COBL: variants seen among roughly 807,000 people sequenced by gnomAD.
The protein encoded by COBL is protein cordon-bleu.
COBL carries 51 observed loss-of-function variants against 98.8 expected under a neutral mutation model. That is an observed-to-expected ratio of 0.52 (90% CI 0.41 to 0.65). The LOEUF is 0.65. Ranked by LOEUF, COBL falls within the 30% of genes least tolerant of loss-of-function variation. The pLI is 0.00. For missense variants in COBL, 1,617 were observed against 1,617.5 expected (o/e 1.00, Z 0.01); for synonymous variants, 634 against 651.7 (o/e 0.97, Z 0.41).
At chr7:51,036,880 T>C (rs1039624596) in intron 8 of COBL, among the ~76,000 whole-genome samples, 1 of 152,242 alleles carries the variant, frequency 6.6e-6, no homozygotes, top group Non-Finnish European at 1.5e-5. Flanking sequence ...GTGGAATTGA[T>C]GTTCCCAAAA....
At chr7:51,073,765 C>T (rs980115297) in intron 7 of COBL, among the ~76,000 whole-genome samples, 1 of 152,184 alleles carries the variant, frequency 6.6e-6, no homozygotes, top group African/African-American at 2.4e-5. Context: ...GAAAAACAGT[C>T]TAAGTTACTT....
intron 5 of COBL, among the ~76,000 whole-genome samples, chr7:51,168,683 C>T (rs2129041327): frequency 6.6e-6 from 1 of 152,204 alleles, no homozygotes; most frequent in East Asian, 1.9e-4. Context: ...TGTAAATTGG[C>T]ATAACTATTA....
At chr7:51,201,098 G>T (rs537220686) in intron 2 of COBL, among the ~76,000 whole-genome samples, 4 of 152,072 alleles carry the variant, frequency 2.6e-5, no homozygotes, top group Admixed American at 2.6e-4. Flanking sequence ...AAATTAGCTG[G>T]GCGTGGTGGT....
chr7:51,017,983 A>T (rs1786451206), intron 12 of COBL, among the ~76,000 whole-genome samples: 1 of 152,196 alleles, frequency 6.6e-6, no homozygotes, highest in Admixed American at 6.5e-5. Flanking sequence ...CAGTTTCTTC[A>T]TCTTTATATT....
At chr7:51,293,970 C>T (rs1468002560) in intron 1 of COBL, among the ~76,000 whole-genome samples, 2 of 152,096 alleles carry the variant, frequency 1.3e-5, no homozygotes, top group Non-Finnish European at 2.9e-5. Context: ...CAGTCTGTAG[C>T]TATTTGCCTA....
chr7:51,167,169 G>A (rs200127956), intron 5 of COBL, among the ~76,000 whole-genome samples: 1 of 152,122 alleles, frequency 6.6e-6, no homozygotes, highest in East Asian at 1.9e-4. Flanking sequence ...AATTATCCTT[G>A]TTTGCAGATG....
Position 51,029,010 on chromosome 7 carries a change from C to G in COBL, c.2086G>C (p.Gly696Arg), listed in dbSNP as rs1299677692. The change falls in exon 10 of 13, where the codon GGG (glycine) becomes CGG (arginine). Residue 696 changes from glycine (G) to arginine (R), a missense_variant. Physicochemically the swap from Gly to Arg is moderately radical, Grantham distance 125 (BLOSUM62 -2). Coordinates refer to ENST00000265136, the MANE Select transcript of COBL (RefSeq NM_015198.5). ...CCGTGCTTAAGTCTGTAGCTTTTCC[C>G]TGGGTTTTGGCCTCGTTGGTGCCAT... is the stretch of plus-strand genomic sequence containing the variant. ...TSWHQRGQNP[G>R]KSYRLKHGLT... 2 of 1,614,060 alleles carry G rather than the reference C, an allele frequency of 1.2e-6. No individual in the cohort carries two copies. Among genetic ancestry groups the G allele is most frequent in the African/African-American group, 2.7e-5 (2 of 74,926 alleles).
At chr7:51,162,598 G>C (rs1429712470) in intron 5 of COBL, among the ~76,000 whole-genome samples, 1 of 152,088 alleles carries the variant, frequency 6.6e-6, no homozygotes, top group Non-Finnish European at 1.5e-5. Flanking sequence ...ATACATAATA[G>C]TATCTGCAAA....
At chr7:51,087,160 ACG>A (rs1432776589) in intron 6 of COBL, among the ~76,000 whole-genome samples, 1 of 151,796 alleles carries the variant, frequency 6.6e-6, no homozygotes, top group African/African-American at 2.4e-5. Flanking sequence ...ACACACACAC[ACG>A]CACAGACTCA....
intron 2 of COBL, among the ~76,000 whole-genome samples, chr7:51,199,211 G>A (rs147805838): frequency 1.5e-4 from 23 of 152,304 alleles, no homozygotes; most frequent in Admixed American, 2.6e-4. Flanking sequence ...CTTGGTGACA[G>A]GTTCCCCAAG....
intron 1 of COBL, among the ~76,000 whole-genome samples, chr7:51,273,740 T>C (rs922541272): frequency 6.6e-6 from 1 of 152,234 alleles, no homozygotes; most frequent in Non-Finnish European, 1.5e-5. Flanking sequence ...AGAGACAAAC[T>C]AATTTTACCT....
intron 6 of COBL, among the ~76,000 whole-genome samples, chr7:51,097,906 C>T (rs1795426698): frequency 6.6e-6 from 1 of 151,646 alleles, no homozygotes; most frequent in Non-Finnish European, 1.5e-5. Flanking sequence ...CACCTGTAGT[C>T]CCAGCTACTC....
At chr7:51,276,926 G>T (rs1018235731) in intron 1 of COBL, among the ~76,000 whole-genome samples, 1 of 152,206 alleles carries the variant, frequency 6.6e-6, no homozygotes, top group African/African-American at 2.4e-5. Flanking sequence ...CCAGCTAAGA[G>T]GTGAAATGTA....
intron 1 of COBL, among the ~76,000 whole-genome samples, chr7:51,314,692 TTA>T (rs1803365399): frequency 6.6e-6 from 1 of 152,134 alleles, no homozygotes; most frequent in African/African-American, 2.4e-5. Flanking sequence ...ACAATAGAAG[TTA>T]AAAATAATAT....
chr7:51,280,790 G>C (rs1015500611), intron 1 of COBL, among the ~76,000 whole-genome samples: 1 of 152,130 alleles, frequency 6.6e-6, no homozygotes, highest in African/African-American at 2.4e-5. Flanking sequence ...ACTGGCCACC[G>C]GTAGCAGAAA....
At chr7:51,275,360 G>A (rs1001822373) in intron 1 of COBL, among the ~76,000 whole-genome samples, 1 of 152,316 alleles carries the variant, frequency 6.6e-6, no homozygotes, top group South Asian at 2.1e-4. Context: ...AATGCTGTGC[G>A]AAATTGAAGA....
intron 6 of COBL, among the ~76,000 whole-genome samples, chr7:51,091,349 G>A (rs1794795023): frequency 1.3e-5 from 2 of 152,110 alleles, no homozygotes; most frequent in African/African-American, 4.8e-5. Context: ...ATAAAAAACA[G>A]AAGTTCTGAA....
rs17134126 is a variant in COBL, at chr7:51,016,859, C to T, written c.*692G>A. On this transcript the variant is annotated 3_prime_UTR_variant, in exon 13 of 13. Coordinates refer to ENST00000265136, the MANE Select transcript of COBL (RefSeq NM_015198.5). ...AGCCACCCGCCACCCTTGCAGGACT[C>T]GGGCATGCCCTGGCCACATGATCAC... is the stretch of plus-strand genomic sequence containing the variant. 4,302 of 398,550 alleles carry T rather than the reference C, an allele frequency of 0.011. 91 individuals are homozygous for T. Among genetic ancestry groups the T allele is most frequent in the African/African-American group, 0.063 (3,056 of 48,734 alleles). 24.7% of individuals were successfully genotyped at this position (398,550 alleles called of 1,614,324 possible).
chr7:51,235,470 G>A (rs1204196067), intron 1 of COBL, among the ~76,000 whole-genome samples: 4 of 152,150 alleles, frequency 2.6e-5, no homozygotes. Context: ...CAGACACCTT[G>A]AACAACCAGA....
Sources: gnomAD v4.1 joint callset for allele counts (sites outside exome capture counted in the v4.1 genomes callset) on GRCh38, gnomAD v4.1.1 for gene constraint, MANE v1.5 for transcripts, NCBI Gene and HGNC (gene_info 2026-07-23, HGNC 2026-07-21) for gene names.